RAPGEF1: variants seen among roughly 807,000 people sequenced by gnomAD.
RAPGEF1 encodes the protein CRK SH3-binding GNRP.
In RAPGEF1, 33 loss-of-function variants were observed where a neutral mutation model predicts 143.3. That is an observed-to-expected ratio of 0.23 (90% confidence interval 0.17 to 0.31). The LOEUF is 0.31. Ranked by LOEUF, RAPGEF1 falls within the 10% of genes least tolerant of loss-of-function variation. The probability of loss-of-function intolerance (pLI) is 1.00; values close to 1 mark genes in which losing one functional copy is unlikely to be tolerated. For missense variants in RAPGEF1, 1,199 were observed against 1,645.4 expected (o/e 0.73, Z 4.69); for synonymous variants, 629 against 676.5 (o/e 0.93, Z 1.09).
chr9:131,618,179 G>A (rs1032727481), intron 12 of RAPGEF1, among the ~76,000 whole-genome samples: 7 of 152,232 alleles, frequency 4.6e-5, no homozygotes, highest in African/African-American at 1.7e-4. Context: ...CTGAGCTGAG[G>A]CCCTAAGGGG....
intron 5 of RAPGEF1, among the ~76,000 whole-genome samples, chr9:131,632,330 G>A (rs10901076): frequency 0.83 from 120,960 of 146,342 alleles, 50,121 homozygotes; most frequent in African/African-American, 0.85. Context: ...TAGTAGAGAC[G>A]GGGTTTCACC....
In RAPGEF1 at chr9:131,588,053, C is replaced by T. The variant is rs562407654; in HGVS notation, c.3054-27G>A. On this transcript the variant is annotated intron_variant, in intron 20 of 26. Coordinates refer to ENST00000683357, the MANE Select transcript of RAPGEF1 (RefSeq NM_001377935.1). ...TGGAAGACAGAGGTGTGAGAAGAGC[C>T]GTCAGGGGTGGGGAGGCCGGTGGGG... The T allele has an allele frequency of 4.8e-5, 77 of 1,593,658 alleles. 1 individual carries two copies. Among genetic ancestry groups the T allele is most frequent in the South Asian group, 4.2e-4 (38 of 89,534 alleles).
At chr9:131,683,919 C>T (rs1833120296) in intron 1 of RAPGEF1, among the ~76,000 whole-genome samples, 1 of 152,248 alleles carries the variant, frequency 6.6e-6, no homozygotes, top group Non-Finnish European at 1.5e-5. Context: ...AAGTAGAAGG[C>T]ACCCTTTTTA....
chr9:131,626,615 T>C (rs970520189), intron 9 of RAPGEF1, among the ~76,000 whole-genome samples, 193 bp from the exon 10 acceptor site: 1 of 152,194 alleles, frequency 6.6e-6, no homozygotes, highest in African/African-American at 2.4e-5. Context: ...GATGGGAATA[T>C]GGCTGTTTGC....
chr9:131,638,579 A>G, intron 5 of RAPGEF1, 56 bp downstream of exon 5: 1 of 1,594,096 alleles, frequency 6.3e-7, no homozygotes, highest in African/African-American at 1.3e-5. Flanking sequence ...GACAAGCACC[A>G]GCAGGCAGGC....
At chr9:131,600,698 G>C (rs547763236) in intron 15 of RAPGEF1, among the ~76,000 whole-genome samples, 1 of 152,354 alleles carries the variant, frequency 6.6e-6, no homozygotes, top group South Asian at 2.1e-4. Flanking sequence ...TAAGGAGGGA[G>C]GAAAAGCTTG....
intron 22 of RAPGEF1, among the ~76,000 whole-genome samples, chr9:131,587,305 A>AACACAC (rs71374114): frequency 0.064 from 5,688 of 88,460 alleles, 1,104 homozygotes; most frequent in East Asian, 0.16. Context: ...CTCCGTCTCA[A>AACACAC]ACACACACAC....
intron 1 of RAPGEF1, among the ~76,000 whole-genome samples, chr9:131,698,520 T>C (rs1834360942): frequency 6.6e-6 from 1 of 152,234 alleles, no homozygotes; most frequent in Non-Finnish European, 1.5e-5. Flanking sequence ...TTTGCAGTAA[T>C]GGCCAAACGA....
At chr9:131,625,066 G>A (rs4354358) in intron 10 of RAPGEF1, among the ~76,000 whole-genome samples, 1 of 152,258 alleles carries the variant, frequency 6.6e-6, no homozygotes, top group African/African-American at 2.4e-5. Flanking sequence ...ATTTGGAGTA[G>A]AGATTCCATT....
intron 1 of RAPGEF1, among the ~76,000 whole-genome samples, chr9:131,703,609 G>C (rs1400916095): frequency 2.0e-5 from 3 of 152,160 alleles, no homozygotes; most frequent in African/African-American, 7.2e-5. Flanking sequence ...CAGCCAACTA[G>C]AAAGTGGGAG....
At chr9:131,642,465 A>G (rs926007925) in intron 4 of RAPGEF1, among the ~76,000 whole-genome samples, 3 of 152,370 alleles carry the variant, frequency 2.0e-5, no homozygotes, top group South Asian at 2.1e-4. Context: ...TGGCTTACCT[A>G]CTGATCCTTT....
intron 1 of RAPGEF1, among the ~76,000 whole-genome samples, chr9:131,701,669 A>G (rs576266031): frequency 2.6e-5 from 4 of 152,382 alleles, no homozygotes; most frequent in African/African-American, 9.6e-5. Context: ...ATATAAAATC[A>G]TAACATATAC....
intron 15 of RAPGEF1, 101 bp from the exon 16 acceptor site, chr9:131,598,411 C>T (rs1456670807): frequency 4.5e-6 from 4 of 894,474 alleles, no homozygotes; most frequent in East Asian, 2.6e-5. Context: ...AAACCGCTCC[C>T]GGAACATGCC....
chr9:131,718,212 A>G (rs1835994483), intron 1 of RAPGEF1, among the ~76,000 whole-genome samples: 1 of 152,224 alleles, frequency 6.6e-6, no homozygotes, highest in Admixed American at 6.5e-5. Flanking sequence ...TCTGAGGGAA[A>G]GGAACACCTG....
In RAPGEF1 at chr9:131,584,708, AC is replaced by A. The variant is rs1952432023; in HGVS notation, c.3234-113del. Reference sequence around the variant, plus strand: ...CCCCCATGCCAGTGGCCACGAGCCCACCCCTACTGAATACCTGCAGCCTGCC... The same window carrying A: ...CCCCCATGCCAGTGGCCACGAGCCCACCCTACTGAATACCTGCAGCCTGCC... On this transcript the variant is annotated intron_variant, in intron 22 of 26. Coordinates refer to ENST00000683357, the MANE Select transcript of RAPGEF1 (RefSeq NM_001377935.1). This position sits in a 1 kb window ranked among gnomAD's most constrained non-coding sequence, Gnocchi z 6.8. 22 of 963,588 alleles carry A rather than the reference AC, an allele frequency of 2.3e-5. No individual in the cohort carries two copies. In the South Asian group the frequency reaches 3.1e-4, roughly 14 times the overall value. 59.7% of individuals were successfully genotyped at this position (963,588 alleles called of 1,614,324 possible). A position where few individuals can be genotyped will look rare whatever the true frequency, so the allele number is the denominator to read the frequency against.
At chr9:131,630,186 C>A in intron 6 of RAPGEF1, 50 bp downstream of exon 6, 2 of 1,567,236 alleles carry the variant, frequency 1.3e-6, no homozygotes, top group Non-Finnish European at 1.8e-6. Flanking sequence ...CAAGTGCAGA[C>A]TTTGCCACTG....
chr9:131,588,851 G>A lies in RAPGEF1; in HGVS notation c.3003C>T (p.Leu1001=). The A allele has an allele frequency of 1.2e-6, 2 of 1,613,886 alleles. No homozygotes were observed. The highest frequency in any genetic ancestry group is 2.2e-5 in the South Asian group (2 of 91,070). Residue 1001 remains leucine (L), a synonymous_variant, in exon 20 of 27, where the codon CTC becomes CTT. Transcript: ENST00000683357. ...ILDKVDQKKL[L]RCATSSQPLA... ...GGGGCTGGCTGGAGGTGGCACACCT[G>A]AGTAGCTTCTTCTGGTCCACCTTGT...
intron 1 of RAPGEF1, among the ~76,000 whole-genome samples, chr9:131,719,858 C>T (rs1836138182): frequency 6.6e-6 from 1 of 150,902 alleles, no homozygotes; most frequent in Non-Finnish European, 1.5e-5. Context: ...ATTGCCCACA[C>T]AGCTATATTT....
At chr9:131,717,346 C>T (rs1835931103) in intron 1 of RAPGEF1, among the ~76,000 whole-genome samples, 1 of 152,172 alleles carries the variant, frequency 6.6e-6, no homozygotes, top group Admixed American at 6.5e-5. Context: ...GGTGTGGAGT[C>T]CATACACAAT....
Sources: gnomAD v4.1 joint callset for allele counts (sites outside exome capture counted in the v4.1 genomes callset) on GRCh38, gnomAD v4.1.1 for gene constraint, Gnocchi (gnomAD v3.1) non-coding constraint, MANE v1.5 for transcripts, NCBI Gene and HGNC (gene_info 2026-07-23, HGNC 2026-07-21) for gene names.